The following TNFRSF1A variants were observed in gnomAD, a reference collection of about 807,000 sequenced individuals.
The protein encoded by TNFRSF1A is TNF receptor superfamily member 1A.
In TNFRSF1A, 9 loss-of-function variants were observed where a neutral mutation model predicts 41.6. That is an observed-to-expected ratio of 0.22 (90% CI 0.13 to 0.38). The LOEUF (loss-of-function observed/expected upper bound fraction) is 0.38. TNFRSF1A is among the 10% of genes least tolerant of loss of function. TNFRSF1A has a pLI of 1.00. For synonymous variants in TNFRSF1A, 254 were observed against 248.6 expected, an observed-to-expected ratio of 1.02 and a Z score of -0.21; for missense variants, 463 against 591.5, an observed-to-expected ratio of 0.78 and a Z score of 2.25.
Position 6,330,638 on chromosome 12 carries a change from C to T in TNFRSF1A, c.699G>A (p.Met233Ile). ...CLLSLLFIGL[M>I]YRYQRWKSKL... The stretch of plus-strand genomic sequence containing the variant: ...TGGACTTCCACCGTTGGTAGCGATA[C>T]ATTAAACCAATGAAGAGGAGGGATA... Residue 233 changes from methionine to isoleucine, a missense_variant, in exon 7 of 10, where the codon ATG becomes ATA. Met to Ile is a conservative substitution (Grantham distance 10, BLOSUM62 1). Around this residue, in one of 4 missense-constraint regions of TNFRSF1A, gnomAD observed 149 missense variants for 239.4 expected, o/e 0.62. Transcript: ENST00000162749. 1 of 1,613,934 alleles carries T rather than the reference C, an allele frequency of 6.2e-7. No individual in the cohort carries two copies. The highest frequency in any genetic ancestry group is 8.5e-7 in the Non-Finnish European group (1 of 1,179,832).
At position 6,334,559 on chromosome 12, in the gene TNFRSF1A, CAGTGATG is replaced by C; in HGVS notation, c.40-322_40-316del. Among the ~76,000 whole-genome samples the C allele has an allele frequency of 6.6e-6, 1 of 151,746 alleles. No individual in the cohort carries two copies. The highest frequency in any genetic ancestry group is 1.5e-5 in the Non-Finnish European group (1 of 67,964). ...TTGCTCTGTTGTCCAGGCTGGAGTG[CAGTGATG>C]CAATCACTGCACCCTCCACCACCCA... On this transcript the variant is annotated intron_variant, in intron 1 of 9. Coordinates refer to ENST00000162749, the MANE Select transcript of TNFRSF1A (RefSeq NM_001065.4). This position sits in a 1 kb window ranked among gnomAD's most constrained non-coding sequence, Gnocchi z 5.1.
chr12:6,332,741 T>A (rs1565467514), intron 5 of TNFRSF1A, among the ~76,000 whole-genome samples: 1 of 152,094 alleles, frequency 6.6e-6, no homozygotes, highest in South Asian at 2.1e-4. Context: ...CCATGATGAG[T>A]CACCAGTTAT....
Position 6,341,690 on chromosome 12 carries a change from G to C in TNFRSF1A, c.39+86C>G. ...GCCAGGACCAGGCCCGGGCAGGAGA[G>C]GCTCGGCCCCCTCCCGGAGAGGGCC... On this transcript the variant is annotated intron_variant, in intron 1 of 9. Transcript: ENST00000162749. The surrounding 1 kb of genome is among the most constrained non-coding windows in gnomAD (Gnocchi z 4.6). The C allele has an allele frequency of 6.6e-7, 1 of 1,524,876 alleles. No individual in the cohort carries two copies. Among genetic ancestry groups the C allele is most frequent in the South Asian group, 1.1e-5 (1 of 88,038 alleles). The allele number at this position is 1,524,876 out of a possible 1,614,324, so 94.5% of individuals were successfully genotyped here.
rs1441432653 is a variant in TNFRSF1A at position 6,331,376 on chromosome 12, G to A, written c.552-450C>T. On this transcript the variant is annotated intron_variant, in intron 5 of 9. Transcript: ENST00000162749. The stretch of plus-strand genomic sequence containing the variant: ...TGTTTCATCACTGTTTTGCTGATAA[G>A]AATCCTTTGGCAAAGAGAGGTTAAA... 3 of 256,804 alleles carry A rather than the reference G, an allele frequency of 1.2e-5. No individual in the cohort carries two copies. The East Asian group carries it at 2.9e-4, about 25-fold the overall frequency. The allele number at this position is 256,804 out of a possible 1,614,324, so 15.9% of individuals were successfully genotyped here. A position where few individuals can be genotyped will look rare whatever the true frequency, so the allele number is the denominator to read the frequency against.
intron 5 of TNFRSF1A, 40 bp from the exon 6 acceptor site, chr12:6,330,966 A>T (rs1412818347): frequency 6.4e-7 from 1 of 1,563,482 alleles, no homozygotes; most frequent in Admixed American, 1.7e-5. Flanking sequence ...AGGCCCTACC[A>T]TTGGAGGAAC....
In TNFRSF1A at chr12:6,333,941, G is replaced by C; in HGVS notation, c.194-76C>G. On this transcript the variant is annotated intron_variant, in intron 2 of 9. Transcript: ENST00000162749. This position sits in a 1 kb window ranked among gnomAD's most constrained non-coding sequence, Gnocchi z 6.3. ...GCCCCATGCTAGGGACAACAGCCAG[G>C]GCCGATTCCCTGAAGTCTCTAGGAG... 3 of 1,605,574 alleles carry C rather than the reference G, an allele frequency of 1.9e-6. No homozygotes were observed. Among genetic ancestry groups the C allele is most frequent in the Non-Finnish European group, 1.7e-6 (2 of 1,175,510 alleles).
In TNFRSF1A at chr12:6,333,044, C is replaced by A. The variant is rs374243635; in HGVS notation, c.551+25G>T. The A allele has an allele frequency of 6.2e-7, 1 of 1,608,398 alleles. No individual in the cohort carries two copies. Among genetic ancestry groups the A allele is most frequent in the South Asian group, 1.1e-5 (1 of 90,946 alleles). On this transcript the variant is annotated intron_variant, in intron 5 of 9. Coordinates refer to ENST00000162749, the MANE Select transcript of TNFRSF1A (RefSeq NM_001065.4). The surrounding 1 kb of genome is among the most constrained non-coding windows in gnomAD (Gnocchi z 6.3). Reference sequence around the variant, plus strand: ...TCCCAACCCATGCCACCATCCAGTGCCCAGCAGCTCTCAGAGATACTCACT... The same window carrying A: ...TCCCAACCCATGCCACCATCCAGTGACCAGCAGCTCTCAGAGATACTCACT...
At position 6,337,915 on chromosome 12, in the gene TNFRSF1A, C is replaced by G. The variant is rs548800196; in HGVS notation, c.40-3671G>C. On this transcript the variant is annotated intron_variant, in intron 1 of 9. Transcript: ENST00000162749. This position sits in a 1 kb window ranked among gnomAD's most constrained non-coding sequence, Gnocchi z 4.6. Reference sequence around the variant, plus strand: ...CATCTGTCTTCCACTCTAGTAGAAGCCAGTGATTCCCAAAGAGGGAGGTGA... The same window carrying G: ...CATCTGTCTTCCACTCTAGTAGAAGGCAGTGATTCCCAAAGAGGGAGGTGA... Among the ~76,000 whole-genome samples, 38 of 152,202 alleles carry G rather than the reference C, an allele frequency of 2.5e-4. No homozygotes were observed. Among genetic ancestry groups the G allele is most frequent in the African/African-American group, 7.0e-4 (29 of 41,526 alleles).
At chr12:6,339,871 ACACACT>A (rs1948170955) in intron 1 of TNFRSF1A, among the ~76,000 whole-genome samples, 1 of 149,492 alleles carries the variant, frequency 6.7e-6, no homozygotes, top group African/African-American at 2.5e-5. Context: ...ACACACACAC[ACACACT>A]GTGAGCTCTG....
At chr12:6,339,971 T>A (rs1299899553) in intron 1 of TNFRSF1A, among the ~76,000 whole-genome samples, 1 of 152,194 alleles carries the variant, frequency 6.6e-6, no homozygotes, top group Non-Finnish European at 1.5e-5. Flanking sequence ...GCCAGGCTTC[T>A]GTCCCTTAGG....
intron 1 of TNFRSF1A, among the ~76,000 whole-genome samples, chr12:6,338,873 A>C (rs1211414670): frequency 6.6e-6 from 1 of 152,126 alleles, no homozygotes; most frequent in Non-Finnish European, 1.5e-5. Flanking sequence ...CAAGCAATCC[A>C]CACACCTCGG....
intron 1 of TNFRSF1A, among the ~76,000 whole-genome samples, chr12:6,339,816 T>TTCTCTCTC (rs71450139): frequency 4.1e-4 from 57 of 139,328 alleles, no homozygotes; most frequent in African/African-American, 1.5e-3. Flanking sequence ...CCTACCCCAC[T>TTCTCTCTC]TCTCTCTCTC....
chr12:6,335,902 G>A (rs988814497), intron 1 of TNFRSF1A, among the ~76,000 whole-genome samples: 6 of 152,194 alleles, frequency 3.9e-5, no homozygotes, highest in Non-Finnish European at 8.8e-5. Context: ...AGCAGCCCCC[G>A]CAGGTGGAGG....
rs1175261083 is a variant in TNFRSF1A at position 6,334,203 on chromosome 12, A to T, written c.81T>A (p.Val27=). The change falls in exon 2 of 10, where the codon GTT becomes GTA. Residue 27 remains valine (V), a synonymous_variant. Coordinates refer to ENST00000162749, the MANE Select transcript of TNFRSF1A (RefSeq NM_001065.4). This position sits in a 1 kb window ranked among gnomAD's most constrained non-coding sequence, Gnocchi z 5.1. The part of the protein sequence containing the change: ...ELLVGIYPSG[V]IGLVPHLGDR... Reference sequence around the variant, plus strand: ...CCCCTAGGTGAGGGACCAGTCCAATAACCCCTGAGGGGTATATTCCCACCA... The same window carrying T: ...CCCCTAGGTGAGGGACCAGTCCAATTACCCCTGAGGGGTATATTCCCACCA... The T allele has an allele frequency of 6.2e-7, 1 of 1,613,932 alleles. No individual in the cohort carries two copies. The highest frequency in any genetic ancestry group is 1.3e-5 in the African/African-American group (1 of 74,890).
At position 6,333,111 on chromosome 12, in the gene TNFRSF1A, G is replaced by C; in HGVS notation, c.509C>G (p.Ala170Gly). ...EKQNTVCTCH[A>G]GFFLRENECV... ...CTCGTTTTCTCTTAGAAAGAAACCT[G>C]CATGGCAGGTGCACACGGTGTTCTG... Residue 170 changes from alanine (A) to glycine (G), a missense_variant, in exon 5 of 10, where the codon GCA becomes GGA. Coordinates refer to ENST00000162749, the MANE Select transcript of TNFRSF1A (RefSeq NM_001065.4). The surrounding 1 kb of genome is among the most constrained non-coding windows in gnomAD (Gnocchi z 6.3). 6.2e-7 allele frequency: 1 copy of C among 1,614,242 alleles called. No individual in the cohort carries two copies. Among genetic ancestry groups the C allele is most frequent in the Non-Finnish European group, 8.5e-7 (1 of 1,180,046 alleles).
At position 6,341,686 on chromosome 12, in the gene TNFRSF1A, G is replaced by A; in HGVS notation, c.39+90C>T. ...TGGCGCCAGGACCAGGCCCGGGCAG[G>A]AGAGGCTCGGCCCCCTCCCGGAGAG... On this transcript the variant is annotated intron_variant, in intron 1 of 9. Coordinates refer to ENST00000162749, the MANE Select transcript of TNFRSF1A (RefSeq NM_001065.4). This position sits in a 1 kb window ranked among gnomAD's most constrained non-coding sequence, Gnocchi z 4.6. 2 of 1,496,022 alleles carry A rather than the reference G, an allele frequency of 1.3e-6. No individual in the cohort carries two copies. 92.7% of individuals were successfully genotyped at this position (1,496,022 alleles called of 1,614,324 possible).
chr12:6,329,394 T>C lies in TNFRSF1A; in HGVS notation c.1286A>G (p.Asp429Gly). 5.1e-6 allele frequency: 8 copies of C among 1,556,300 alleles called. No individual in the cohort carries two copies. Among genetic ancestry groups the C allele is most frequent in the Non-Finnish European group, 6.9e-6 (8 of 1,158,108 alleles). ...GATGTCCTCCAGGCAGCCCAGCAGG[T>C]CCATGTCGCGGAGCACGCGTCCCAG... ...ELLGRVLRDM[D>G]LLGCLEDIEE... Residue 429 changes from aspartate (D) to glycine (G), a missense_variant, in exon 10 of 10, where the codon GAC becomes GGC. Transcript: ENST00000162749.
chr12:6,332,385 G>A (rs1204215385), intron 5 of TNFRSF1A, among the ~76,000 whole-genome samples: 6 of 148,244 alleles, frequency 4.0e-5, no homozygotes, highest in African/African-American at 1.0e-4. Flanking sequence ...GCTGAGCCAC[G>A]GTTGCACCAC....
Position 6,333,597 on chromosome 12 carries a change from G to A in TNFRSF1A, c.323-81C>T. ...CTTCCTGACATACCCCTAAGTGTGT[G>A]TCTCTGTAATACACACTCACATCCA... On this transcript the variant is annotated intron_variant, in intron 3 of 9. Transcript: ENST00000162749. This position sits in a 1 kb window ranked among gnomAD's most constrained non-coding sequence, Gnocchi z 6.3. 1 of 1,599,960 alleles carries A rather than the reference G, an allele frequency of 6.3e-7. No homozygotes were observed. Among genetic ancestry groups the A allele is most frequent in the Non-Finnish European group, 8.5e-7 (1 of 1,170,856 alleles).
Sources: allele counts gnomAD v4.1 joint callset (sites outside exome capture counted in the v4.1 genomes callset), GRCh38; gene constraint gnomAD v4.1.1; regional missense constraint gnomAD v4.1.1; non-coding constraint Gnocchi (gnomAD v3.1); transcripts MANE v1.5; gene names NCBI Gene and HGNC (gene_info 2026-07-23, HGNC 2026-07-21).